Variants in PGGHG observed in about 807,000 individuals in gnomAD.
The protein encoded by PGGHG is ATH1, acid trehalase-like 1.
A neutral mutation model predicts 74.5 loss-of-function variants in PGGHG; 67 were observed. That is an observed-to-expected ratio of 0.90 (90% CI 0.74 to 1.10). PGGHG has a LOEUF of 1.10. PGGHG is among the 50% of genes least tolerant of loss of function. The pLI is 0.00. For synonymous variants in PGGHG, 496 were observed against 419.9 expected (o/e 1.18, Z -2.21); for missense variants, 1,034 against 981.5 (o/e 1.05, Z -0.72).
chr11:289,324 C>A lies in PGGHG; in HGVS notation c.-14+85C>A, dbSNP rs1169005745. On this transcript the variant is annotated intron_variant, in intron 1 of 13. Transcript: ENST00000409548. The surrounding 1 kb of genome is among the most constrained non-coding windows in gnomAD (Gnocchi z 5.6). ...CCCGGTCGCCCCATCCTCCCTCCCC[C>A]ACCCGCGCCTGCCCCAGCCGCCTAC... 1.9e-4 allele frequency: 27 copies of A among 143,426 alleles called. No individual in the cohort carries two copies. Among genetic ancestry groups the A allele is most frequent in the African/African-American group, 5.1e-4 (20 of 39,026 alleles). 8.9% of individuals were successfully genotyped at this position (143,426 alleles called of 1,614,324 possible).
At position 290,425 on chromosome 11, in the gene PGGHG, C is replaced by T. The variant is rs775357026; in HGVS notation, c.295C>T (p.Arg99Trp). The change falls in exon 3 of 14, where the codon CGG (arginine) becomes TGG (tryptophan). Residue 99 changes from arginine to tryptophan, a missense_variant. Arg to Trp is a moderately radical substitution (Grantham distance 101, BLOSUM62 -3). Transcript: ENST00000409548. ...TCACACCCTGGAGGGCCCCCGCTTC[C>T]GGGCCTCCCAGTGCATCTATGCGCA... is the stretch of plus-strand genomic sequence containing the variant. ...FLHTLEGPRF[R>W]ASQCIYAHRT... 3.2e-6 allele frequency: 5 copies of T among 1,548,124 alleles called. No individual in the cohort carries two copies. The Admixed American group carries it at 5.9e-5, about 18-fold the overall frequency.
chr11:292,925 G>T lies in PGGHG; in HGVS notation c.1198G>T (p.Val400Phe). ...TCGAGAGGCTGGTGGCTGGGACGTG[G>T]TCAGGGCTGTGGCCGAGTTTTGGTG... Reference protein sequence around the residue: ...LFREAGGWDVVRAVAEFWCSR... With the variant: ...LFREAGGWDVFRAVAEFWCSR... The change falls in exon 7 of 14, where the codon GTC becomes TTC. Residue 400 changes from valine (V) to phenylalanine (F), a missense_variant. Val to Phe is a conservative substitution (Grantham distance 50). Coordinates refer to ENST00000409548, the MANE Select transcript of PGGHG (RefSeq NM_025092.5). 1 of 1,614,136 alleles carries T rather than the reference G, an allele frequency of 6.2e-7. No homozygotes were observed. The highest frequency in any genetic ancestry group is 8.5e-7 in the Non-Finnish European group (1 of 1,180,014).
chr11:292,457 C>G, intron 5 of PGGHG, 89 bp from the exon 6 acceptor site: 2 of 1,529,888 alleles, frequency 1.3e-6, no homozygotes, highest in Non-Finnish European at 1.8e-6. Context: ...AGGCCGAGCC[C>G]CCCCTCCTCC....
chr11:293,077 G>A lies in PGGHG; in HGVS notation c.1270+80G>A, dbSNP rs779493472. ...AGCAGATGATTTTCAGACACCTCAC[G>A]TGTGCCAGCCCCACGCTGACCACCG... On this transcript the variant is annotated intron_variant, in intron 7 of 13. Coordinates refer to ENST00000409548, the MANE Select transcript of PGGHG (RefSeq NM_025092.5). 405 of 1,613,868 alleles carry A rather than the reference G, an allele frequency of 2.5e-4. 1 individual carries two copies. The highest frequency in any genetic ancestry group is 2.2e-4 in the Non-Finnish European group (263 of 1,179,942).
At chr11:292,741 C>T (rs1845763445) in intron 6 of PGGHG, 64 bp downstream of exon 6, 1 of 1,610,082 alleles carries the variant, frequency 6.2e-7, no homozygotes. Context: ...GCCCCCACTC[C>T]TCGTGGCTTC....
Position 290,442 on chromosome 11 carries a change from C to T in PGGHG, c.312C>T (p.Ile104=). 6.5e-7 allele frequency: 1 copy of T among 1,549,260 alleles called. No homozygotes were observed. The highest frequency in any genetic ancestry group is 8.7e-7 in the Non-Finnish European group (1 of 1,146,916). Residue 104 remains isoleucine, a synonymous_variant, in exon 3 of 14, where the codon ATC becomes ATT. Transcript: ENST00000409548. ...CCCGCTTCCGGGCCTCCCAGTGCAT[C>T]TATGCGCATCGCACGCTGCCCCACG... ...EGPRFRASQC[I]YAHRTLPHVL... is the part of the protein sequence containing the mutation.
At position 293,210 on chromosome 11, in the gene PGGHG, T is replaced by C. The variant is rs150442930; in HGVS notation, c.1318T>C (p.Tyr440His). The C allele has an allele frequency of 5.8e-4, 943 of 1,613,774 alleles. No individual in the cohort carries two copies. Among genetic ancestry groups the C allele is most frequent in the Non-Finnish European group, 6.2e-4 (737 of 1,179,980 alleles). The change falls in exon 8 of 14, where the codon TAC becomes CAC. Residue 440 changes from tyrosine to histidine, a missense_variant. Physicochemically the swap from Tyr to His is moderately conservative, Grantham distance 83. Coordinates refer to ENST00000409548, the MANE Select transcript of PGGHG (RefSeq NM_025092.5). Reference protein sequence around the residue: ...EYHSGVNNSVYTNVLVQNSLR... With the variant: ...EYHSGVNNSVHTNVLVQNSLR... The stretch of plus-strand genomic sequence containing the variant: ...CCATTCAGGGGTCAACAACTCTGTG[T>C]ACACCAACGTCCTGGTCCAGAACAG...
In PGGHG at chr11:289,755, G is replaced by A. The variant is rs747104986; in HGVS notation, c.-13-49G>A. 6.7e-4 allele frequency: 1,012 copies of A among 1,504,160 alleles called. 2 individuals are homozygous for A. Among genetic ancestry groups the A allele is most frequent in the Non-Finnish European group, 8.4e-4 (944 of 1,123,936 alleles). 93.2% of individuals were successfully genotyped at this position (1,504,160 alleles called of 1,614,324 possible). On this transcript the variant is annotated intron_variant, in intron 1 of 13. Coordinates refer to ENST00000409548, the MANE Select transcript of PGGHG (RefSeq NM_025092.5). This position sits in a 1 kb window ranked among gnomAD's most constrained non-coding sequence, Gnocchi z 5.6. ...AGGGGATTACAGACGGTCTCAAGAG[G>A]GAGGCCCAGCCAGTCCCGCGGCCCC...
In PGGHG at chr11:293,347, C is replaced by G. The variant is rs202147852; in HGVS notation, c.1344-19C>G. ...GAAGTGTAGGGGTTGCAGCCTCCCC[C>G]ACCTACCTCCACCTCCAGCCTGCGC... On this transcript the variant is annotated intron_variant, in intron 8 of 13. Coordinates refer to ENST00000409548, the MANE Select transcript of PGGHG (RefSeq NM_025092.5). 9 of 1,608,842 alleles carry G rather than the reference C, an allele frequency of 5.6e-6. No homozygotes were observed. Among genetic ancestry groups the G allele is most frequent in the Non-Finnish European group, 7.6e-6 (9 of 1,178,606 alleles).
Position 292,695 on chromosome 11 carries a change from C to T in PGGHG, c.1158+18C>T, listed in dbSNP as rs1297514403. 3.1e-6 allele frequency: 5 copies of T among 1,613,544 alleles called. No homozygotes were observed. In the East Asian group the frequency reaches 6.7e-5, roughly 22 times the overall value. On this transcript the variant is annotated intron_variant, in intron 6 of 13. Transcript: ENST00000409548. ...CCACCCAGGTGAGGTGCTGCGTGCCCACCATTCCTGCAAGTGTGGCCAGGC... is the reference window on the plus strand; with the variant it reads ...CCACCCAGGTGAGGTGCTGCGTGCCTACCATTCCTGCAAGTGTGGCCAGGC...
intron 4 of PGGHG, chr11:291,349 C>T: frequency 2.0e-6 from 1 of 510,282 alleles, no homozygotes; most frequent in Non-Finnish European, 3.4e-6. Flanking sequence ...TGGGGAGGGG[C>T]CTCCACCAAG....
intron 4 of PGGHG, chr11:291,534 G>A: frequency 4.0e-6 from 1 of 248,710 alleles, no homozygotes; most frequent in Admixed American, 5.0e-5. Context: ...GGGGTGACGG[G>A]GACGCTGAGG....
In PGGHG at chr11:292,951, C is replaced by T; in HGVS notation, c.1224C>T (p.Cys408=). ...DVVRAVAEFW[C]SRVEWSPREE... ...TCAGGGCTGTGGCCGAGTTTTGGTG[C>T]AGTCGTGTTGAGTGGAGCCCCAGGG... The change falls in exon 7 of 14, where the codon TGC becomes TGT. Residue 408 remains cysteine (C), a synonymous_variant. Transcript: ENST00000409548. 9 of 1,614,064 alleles carry T rather than the reference C, an allele frequency of 5.6e-6. No individual in the cohort carries two copies. The highest frequency in any genetic ancestry group is 7.6e-6 in the Non-Finnish European group (9 of 1,179,998).
intron 2 of PGGHG, 128 bp downstream of exon 2, chr11:290,203 C>T (rs1590281996): frequency 7.2e-7 from 1 of 1,397,820 alleles, no homozygotes; most frequent in East Asian, 2.5e-5. Flanking sequence ...CAGGAGGCCC[C>T]AGAGGCCCGC....
In PGGHG at chr11:289,701, C is replaced by T. The variant is rs1845657612; in HGVS notation, c.-13-103C>T. 4 of 1,387,442 alleles carry T rather than the reference C, an allele frequency of 2.9e-6. No individual in the cohort carries two copies. In the East Asian group the frequency reaches 1.0e-4, roughly 35 times the overall value. 85.9% of individuals were successfully genotyped at this position (1,387,442 alleles called of 1,614,324 possible). On this transcript the variant is annotated intron_variant, in intron 1 of 13. Transcript: ENST00000409548. This position sits in a 1 kb window ranked among gnomAD's most constrained non-coding sequence, Gnocchi z 5.6. ...AATCGGGGCTGCCCAGCTGGTTCCG[C>T]AACTCCCCCCAGTTCTGAGGGAGGC...
chr11:294,641 T>G lies in PGGHG; in HGVS notation c.2106T>G (p.Pro702=), dbSNP rs763998564. 2 of 1,538,842 alleles carry G rather than the reference T, an allele frequency of 1.3e-6. No individual in the cohort carries two copies. Among genetic ancestry groups the G allele is most frequent in the Admixed American group, 3.6e-5 (2 of 55,356 alleles). ...KLPGSSSSEF[P]GRTFSDVRDP... is the part of the protein sequence containing the mutation. ...CTGGAAGTTCCAGCTCCGAGTTCCC[T>G]GGGAGGACTTTTTCAGATGTTAGGG... Residue 702 remains proline (P), a synonymous_variant, in exon 14 of 14, where the codon CCT becomes CCG. Transcript: ENST00000409548.
chr11:292,790 G>A, intron 6 of PGGHG, 96 bp from the exon 7 acceptor site: 1 of 1,606,762 alleles, frequency 6.2e-7, no homozygotes, highest in Non-Finnish European at 8.5e-7. Flanking sequence ...CTGAGGACAG[G>A]TGTCTCAATG....
Position 294,666 on chromosome 11 carries a change from G to C in PGGHG, c.2131G>C (p.Asp711His). 2 of 1,613,614 alleles carry C rather than the reference G, an allele frequency of 1.2e-6. No individual in the cohort carries two copies. Among genetic ancestry groups the C allele is most frequent in the Non-Finnish European group, 1.7e-6 (2 of 1,179,948 alleles). Residue 711 changes from aspartate (D) to histidine (H), a missense_variant, in exon 14 of 14, where the codon GAC becomes CAC. Physicochemically the swap from Asp to His is moderately conservative, Grantham distance 81. Transcript: ENST00000409548. ...TGGGAGGACTTTTTCAGATGTTAGG[G>C]ACCCGCTCCAGAGCCCCCTCTGGGT... ...FPGRTFSDVR[D>H]PLQSPLWVTL... is the part of the protein sequence containing the mutation.
At chr11:292,412 C>T (rs961479029) in intron 5 of PGGHG, 134 bp from the exon 6 acceptor site, 6 of 1,194,874 alleles carry the variant, frequency 5.0e-6, no homozygotes, top group Non-Finnish European at 7.1e-6. Context: ...TGCAGTGGGC[C>T]TTCTAGCAGT....
Sources: allele counts gnomAD v4.1 joint callset, GRCh38; gene constraint gnomAD v4.1.1; non-coding constraint Gnocchi (gnomAD v3.1); transcripts MANE v1.5; gene names NCBI Gene and HGNC (gene_info 2026-07-23, HGNC 2026-07-21).